TRIO: variants seen among roughly 807,000 people sequenced by gnomAD.
The protein encoded by TRIO is triple functional domain protein.
In TRIO, 58 loss-of-function variants were observed where a neutral mutation model predicts 351.9. The observed-to-expected ratio is 0.16, with a 90% CI of 0.13 to 0.21. The LOEUF (loss-of-function observed/expected upper bound fraction) is 0.21, where lower values mean the gene tolerates loss of function less well. TRIO is among the 10% of genes least tolerant of loss of function. The probability of loss-of-function intolerance (pLI) is 1.00; values close to 1 mark genes in which losing one functional copy is unlikely to be tolerated. For synonymous variants in TRIO, 1,758 were observed against 1,595.7 expected, an observed-to-expected ratio of 1.10 and a Z score of -2.42; for missense variants, 3,201 against 4,027.8, an observed-to-expected ratio of 0.79 and a Z score of 5.56.
intron 18 of TRIO, among the ~76,000 whole-genome samples, chr5:14,371,363 AT>A (rs1745087556): frequency 6.6e-6 from 1 of 152,074 alleles, no homozygotes. Context: ...CCTTTTTATT[AT>A]GGGAATTTGA....
chr5:14,156,897 G>A (rs1047544084), intron 1 of TRIO, among the ~76,000 whole-genome samples: 4 of 152,246 alleles, frequency 2.6e-5, no homozygotes, highest in South Asian at 2.1e-4. Flanking sequence ...TGGTGATGTC[G>A]GAGCACAAAA....
At chr5:14,362,837 T>C (rs1240588090) in intron 13 of TRIO, among the ~76,000 whole-genome samples, 1 of 152,204 alleles carries the variant, frequency 6.6e-6, no homozygotes, top group East Asian at 1.9e-4. Context: ...TACTATGCGC[T>C]GATGATCATT....
intron 9 of TRIO, among the ~76,000 whole-genome samples, chr5:14,317,139 G>T (rs1732793709): frequency 6.6e-6 from 1 of 152,232 alleles, no homozygotes. Context: ...GTGGTAGGTA[G>T]TGCAGTCCAT....
chr5:14,485,164 G>T lies in TRIO; in HGVS notation c.6753G>T (p.Leu2251Phe). The change falls in exon 47 of 57, where the codon TTG becomes TTT. Residue 2251 changes from leucine to phenylalanine, a missense_variant. Leu to Phe is a conservative substitution (Grantham distance 22, BLOSUM62 0). Around this residue, in one of 19 missense-constraint regions of TRIO, gnomAD observed 1,089 missense variants for 954.9 expected, o/e 1.14. Coordinates refer to ENST00000344204, the MANE Select transcript of TRIO (RefSeq NM_007118.4). Reference protein sequence around the residue: ...RTGDVVETFILHSSSPSVRQT... With the variant: ...RTGDVVETFIFHSSSPSVRQT... The stretch of plus-strand genomic sequence containing the variant: ...GTGACGTGGTAGAGACCTTCATTTT[G>T]CATTCATCTAGTCCAAGTGTCCGGC... The T allele has an allele frequency of 1.3e-6, 2 of 1,594,606 alleles. No homozygotes were observed. Among genetic ancestry groups the T allele is most frequent in the Non-Finnish European group, 1.7e-6 (2 of 1,164,832 alleles).
chr5:14,291,087 G>C lies in TRIO; in HGVS notation c.912G>C (p.Leu304=). 6.2e-7 allele frequency: 1 copy of C among 1,614,222 alleles called. No individual in the cohort carries two copies. Among genetic ancestry groups the C allele is most frequent in the Non-Finnish European group, 8.5e-7 (1 of 1,180,030 alleles). The stretch of plus-strand genomic sequence containing the variant: ...ACTCAGGCTCAGGCAATGCGGACCT[G>C]CAGAACCTCTTGCCCAAGGTGTCCA... ...KKNSGSGNAD[L]QNLLPKVSTM... is the part of the protein sequence containing the mutation. The change falls in exon 5 of 57, where the codon CTG becomes CTC. Residue 304 remains leucine, a synonymous_variant. Coordinates refer to ENST00000344204, the MANE Select transcript of TRIO (RefSeq NM_007118.4).
chr5:14,345,352 T>C (rs927013101), intron 11 of TRIO, among the ~76,000 whole-genome samples: 3 of 152,166 alleles, frequency 2.0e-5, no homozygotes, highest in Non-Finnish European at 4.4e-5. Context: ...TAGGGATTGA[T>C]TGAAAATATA....
At chr5:14,272,912 A>T (rs1413685404) in intron 2 of TRIO, among the ~76,000 whole-genome samples, 1 of 152,226 alleles carries the variant, frequency 6.6e-6, no homozygotes, top group Non-Finnish European at 1.5e-5. Context: ...TTTACAAAAT[A>T]AAATTTATCT....
chr5:14,385,668 AC>A (rs1442236993), intron 21 of TRIO, among the ~76,000 whole-genome samples: 3 of 152,194 alleles, frequency 2.0e-5, no homozygotes, highest in African/African-American at 7.2e-5. Flanking sequence ...AAGAGTTTTT[AC>A]TTTGTATCTT....
intron 6 of TRIO, among the ~76,000 whole-genome samples, chr5:14,293,573 G>C (rs559687593): frequency 6.6e-6 from 1 of 152,196 alleles, no homozygotes; most frequent in Non-Finnish European, 1.5e-5. Context: ...TTCTCCTGAG[G>C]CATGAGATTT....
Position 14,461,226 on chromosome 5 carries a change from G to T in TRIO, c.5411G>T (p.Arg1804Leu). Residue 1804 changes from arginine to leucine, a missense_variant, in exon 35 of 57, where the codon CGC becomes CTC. Coordinates refer to ENST00000344204, the MANE Select transcript of TRIO (RefSeq NM_007118.4). ...CTGGCGCACAAGCACAAGAAGAGCC[G>T]CGAGGTCCGCAAGAGCGCCGACGCC... ...KKLAHKHKKS[R>L]EVRKSADAGS... 1.3e-6 allele frequency: 2 copies of T among 1,579,588 alleles called. No individual in the cohort carries two copies. The highest frequency in any genetic ancestry group is 1.7e-6 in the Non-Finnish European group (2 of 1,163,806).
At chr5:14,342,976 T>G (rs1317292060) in intron 11 of TRIO, among the ~76,000 whole-genome samples, 1 of 152,140 alleles carries the variant, frequency 6.6e-6, no homozygotes, top group Non-Finnish European at 1.5e-5. Context: ...TCAAGCCATC[T>G]TAGGTTGAGG....
At chr5:14,423,086 C>G (rs763042182) in intron 34 of TRIO, among the ~76,000 whole-genome samples, 1 of 152,234 alleles carries the variant, frequency 6.6e-6, no homozygotes, top group African/African-American at 2.4e-5. Context: ...GTCCTTCCTC[C>G]GTCTCAGCAT....
At chr5:14,329,483 C>G (rs1740706953) in intron 9 of TRIO, among the ~76,000 whole-genome samples, 1 of 152,180 alleles carries the variant, frequency 6.6e-6, no homozygotes, top group Non-Finnish European at 1.5e-5. Context: ...GAGGAACAAG[C>G]CTTCACCAGT....
intron 1 of TRIO, among the ~76,000 whole-genome samples, chr5:14,232,356 T>C (rs780639918): frequency 6.6e-6 from 1 of 152,192 alleles, no homozygotes; most frequent in Non-Finnish European, 1.5e-5. Flanking sequence ...TTAAGTTTCA[T>C]CTTTGGTGGT....
chr5:14,367,004 T>C (rs769574567), intron 16 of TRIO, 25 bp downstream of exon 16: 1 of 1,613,178 alleles, frequency 6.2e-7, no homozygotes, highest in Admixed American at 1.7e-5. Context: ...CCTGCCTGTG[T>C]GTTGGCTCTT....
chr5:14,412,042 C>T (rs1052502805), intron 33 of TRIO, among the ~76,000 whole-genome samples: 30 of 149,664 alleles, frequency 2.0e-4, no homozygotes, highest in Non-Finnish European at 3.4e-4. Flanking sequence ...GGCTGGAGTA[C>T]AGTGGCATGA....
At chr5:14,253,861 G>C (rs575851899) in intron 1 of TRIO, among the ~76,000 whole-genome samples, 1 of 152,128 alleles carries the variant, frequency 6.6e-6, no homozygotes, top group African/African-American at 2.4e-5. Context: ...CCTGACATGT[G>C]ACATCACAAC....
At chr5:14,189,823 T>C (rs1276543928) in intron 1 of TRIO, among the ~76,000 whole-genome samples, 1 of 151,978 alleles carries the variant, frequency 6.6e-6, no homozygotes, top group Non-Finnish European at 1.5e-5. Context: ...CTTTGCATCC[T>C]GGGCTCAACC....
chr5:14,476,530 G>A (rs1044017209), intron 40 of TRIO, among the ~76,000 whole-genome samples: 4 of 152,186 alleles, frequency 2.6e-5, no homozygotes, highest in African/African-American at 9.7e-5. Flanking sequence ...GGTGGCTCAC[G>A]CCTGTAATCC....
Sources: gnomAD v4.1 joint callset for allele counts (sites outside exome capture counted in the v4.1 genomes callset) on GRCh38, gnomAD v4.1.1 for gene constraint, gnomAD v4.1.1 regional missense constraint, MANE v1.5 for transcripts, NCBI Gene and HGNC (gene_info 2026-07-23, HGNC 2026-07-21) for gene names.